The following ERBB4 variants were observed in gnomAD, a reference collection of about 807,000 sequenced individuals.
ERBB4 encodes receptor tyrosine-protein kinase erbB-4.
Under a neutral mutation model 158.0 loss-of-function variants are expected in ERBB4, and 42 were observed. The ratio of observed to expected loss-of-function variants is 0.27; its 90% CI spans 0.21 to 0.34. ERBB4 has a LOEUF of 0.34. ERBB4 is among the 10% of genes least tolerant of loss of function. The pLI is 1.00. For synonymous variants in ERBB4, 583 were observed against 558.7 expected, an observed-to-expected ratio of 1.04 and a Z score of -0.61; for missense variants, 1,333 against 1,624.1, an observed-to-expected ratio of 0.82 and a Z score of 3.08.
intron 4 of ERBB4, among the ~76,000 whole-genome samples, chr2:211,773,629 TATA>T (rs1271198345): frequency 2.0e-5 from 1 of 51,078 alleles, no homozygotes; most frequent in African/African-American, 1.0e-4. Context: ...TATATATATA[TATA>T]TATATATATA....
At chr2:211,993,970 C>A (rs1434590955) in intron 2 of ERBB4, among the ~76,000 whole-genome samples, 1 of 149,312 alleles carries the variant, frequency 6.7e-6, no homozygotes, top group Non-Finnish European at 1.5e-5. Flanking sequence ...TTATTAGTGT[C>A]TTTTCCCATA....
chr2:212,414,686 T>C (rs1407450011), intron 1 of ERBB4, among the ~76,000 whole-genome samples: 1 of 152,220 alleles, frequency 6.6e-6, no homozygotes, highest in South Asian at 2.1e-4. Context: ...AAATTATAAA[T>C]GAGTACAGAC....
intron 2 of ERBB4, among the ~76,000 whole-genome samples, chr2:211,981,101 C>T (rs966824372): frequency 6.6e-6 from 1 of 151,942 alleles, no homozygotes; most frequent in East Asian, 2.0e-4. Flanking sequence ...TCTACAGAAA[C>T]CACTTAACCA....
chr2:211,701,828 T>C, intron 12 of ERBB4, 139 bp downstream of exon 12: 2 of 634,252 alleles, frequency 3.2e-6, no homozygotes, highest in Non-Finnish European at 2.8e-6. Flanking sequence ...TTGGTAATTG[T>C]AACAACTACC....
chr2:212,219,001 G>A (rs1028505544), intron 1 of ERBB4, among the ~76,000 whole-genome samples: 6 of 151,100 alleles, frequency 4.0e-5, no homozygotes, highest in African/African-American at 1.5e-4. Flanking sequence ...ACCACACAAT[G>A]ATTCGTGTAG....
intron 20 of ERBB4, among the ~76,000 whole-genome samples, chr2:211,436,603 A>G (rs1386478777): frequency 1.3e-5 from 2 of 152,230 alleles, no homozygotes; most frequent in African/African-American, 4.8e-5. Flanking sequence ...GATAGCTATC[A>G]ACAATCCTAG....
At chr2:212,223,163 T>C (rs1293843233) in intron 1 of ERBB4, among the ~76,000 whole-genome samples, 3 of 151,332 alleles carry the variant, frequency 2.0e-5, no homozygotes, top group Non-Finnish European at 3.0e-5. Flanking sequence ...TAACTAGACA[T>C]ACTGTATTTC....
chr2:212,086,048 C>T (rs765869161), intron 2 of ERBB4, among the ~76,000 whole-genome samples: 13 of 151,860 alleles, frequency 8.6e-5, no homozygotes, highest in African/African-American at 1.2e-4. Context: ...GACATGGTTA[C>T]GGTTGGAATT....
intron 3 of ERBB4, among the ~76,000 whole-genome samples, chr2:211,840,403 G>T (rs1297640700): frequency 6.6e-6 from 1 of 151,992 alleles, no homozygotes; most frequent in African/African-American, 2.4e-5. Flanking sequence ...TATTAGCAGC[G>T]TGAGAACAGA....
chr2:212,534,471 G>C (rs773941619), intron 1 of ERBB4, among the ~76,000 whole-genome samples: 1 of 152,156 alleles, frequency 6.6e-6, no homozygotes, highest in African/African-American at 2.4e-5. Flanking sequence ...ATCTTGGATC[G>C]ATGCCTTTTT....
intron 3 of ERBB4, among the ~76,000 whole-genome samples, chr2:211,882,942 T>C (rs1356600818): frequency 6.6e-6 from 1 of 152,154 alleles, no homozygotes; most frequent in Non-Finnish European, 1.5e-5. Flanking sequence ...TTCTACCTTC[T>C]CCCTTTACTG....
At chr2:211,713,762 T>G (rs2073796680) in intron 7 of ERBB4, 114 bp from the exon 8 acceptor site, 1 of 692,844 alleles carries the variant, frequency 1.4e-6, no homozygotes, top group Non-Finnish European at 2.6e-6. Flanking sequence ...ATAGTGTTTA[T>G]GTATCTTACC....
chr2:212,323,148 C>T (rs759365707), intron 1 of ERBB4, among the ~76,000 whole-genome samples: 15 of 150,364 alleles, frequency 1.0e-4, no homozygotes, highest in African/African-American at 1.7e-4. Flanking sequence ...CACAAAATTG[C>T]TTAAATCCTT....
rs1432387526 is a variant in ERBB4, at chr2:211,788,042, G to A, written c.539C>T (p.Thr180Ile). ...CTACTTACATCCTGAACTACCATTT[G>A]TTGACACAAGAGTCAAGTTGGAAGG... ...PWPSNLTLVS[T>I]NGSSGCGRCH... Residue 180 changes from threonine (T) to isoleucine (I), a missense_variant, in exon 4 of 28, where the codon ACA becomes ATA. Thr to Ile is a moderately conservative substitution (Grantham distance 89). This residue lies in a region of ERBB4 where 438 missense variants were observed against 586.9 expected (regional missense o/e 0.75). Transcript: ENST00000342788. The A allele has an allele frequency of 1.2e-6, 2 of 1,613,498 alleles. No individual in the cohort carries two copies. The highest frequency in any genetic ancestry group is 2.7e-5 in the African/African-American group (2 of 75,026).
chr2:212,060,911 TA>T (rs1185149436), intron 2 of ERBB4, among the ~76,000 whole-genome samples: 1 of 150,950 alleles, frequency 6.6e-6, no homozygotes, highest in African/African-American at 2.4e-5. Flanking sequence ...TATACATATG[TA>T]ACAAACCTGT....
At chr2:211,996,722 C>T (rs1234982505) in intron 2 of ERBB4, among the ~76,000 whole-genome samples, 1 of 152,142 alleles carries the variant, frequency 6.6e-6, no homozygotes, top group African/African-American at 2.4e-5. Context: ...GAGTTGTTTA[C>T]ATCCATATCC....
chr2:212,005,338 T>C (rs1482848236), intron 2 of ERBB4, among the ~76,000 whole-genome samples: 2 of 152,124 alleles, frequency 1.3e-5, no homozygotes, highest in Non-Finnish European at 2.9e-5. Flanking sequence ...GGGAATGAGA[T>C]GCATAAATCA....
chr2:211,649,516 C>G (rs2070903056), intron 16 of ERBB4, among the ~76,000 whole-genome samples: 1 of 151,770 alleles, frequency 6.6e-6, no homozygotes, highest in African/African-American at 2.4e-5. Flanking sequence ...GATTTGAACT[C>G]TCGGATTTCG....
chr2:212,287,137 C>G (rs1200278750), intron 1 of ERBB4, among the ~76,000 whole-genome samples: 1 of 152,060 alleles, frequency 6.6e-6, no homozygotes, highest in African/African-American at 2.4e-5. Context: ...TTCCCTCCAG[C>G]CCCTGCCTCT....
Sources: allele counts gnomAD v4.1 joint callset (sites outside exome capture counted in the v4.1 genomes callset), GRCh38; gene constraint gnomAD v4.1.1; regional missense constraint gnomAD v4.1.1; transcripts MANE v1.5; gene names NCBI Gene and HGNC (gene_info 2026-07-23, HGNC 2026-07-21).